The following SYT14 variants were observed in gnomAD, a reference collection of about 807,000 sequenced individuals.
SYT14 encodes the protein synaptotagmin 14.
In SYT14, 32 loss-of-function variants were observed where a neutral mutation model predicts 74.2. That is an observed-to-expected ratio of 0.43 (90% confidence interval 0.33 to 0.58). SYT14 has a LOEUF of 0.58. SYT14 is among the 20% of genes least tolerant of loss of function. The pLI, the probability that SYT14 is intolerant of heterozygous loss-of-function variation, is 0.05. For synonymous variants in SYT14, 298 were observed against 337.7 expected (o/e 0.88, Z 1.29); for missense variants, 791 against 981.8 (o/e 0.81, Z 2.60).
intron 5 of SYT14, among the ~76,000 whole-genome samples, chr1:210,070,563 A>G (rs2081373487): frequency 6.6e-6 from 1 of 152,078 alleles, no homozygotes; most frequent in Non-Finnish European, 1.5e-5. Context: ...TTTCCCTGTT[A>G]TAAAAGCTTG....
At chr1:210,169,407 T>C (rs1458766994) in exon 10 of SYT14, 1 of 151,834 alleles carries the variant, frequency 6.6e-6, no homozygotes, top group East Asian at 1.9e-4. Context: ...TGCACATACA[T>C]CGACTCTCTT....
intron 6 of SYT14, among the ~76,000 whole-genome samples, chr1:210,096,933 A>T (rs777052675): frequency 6.6e-6 from 1 of 152,184 alleles, no homozygotes; most frequent in Non-Finnish European, 1.5e-5. Context: ...CCTATGTCTC[A>T]CAAGCTGCTT....
rs79239599 is a variant in SYT14, at chr1:210,050,528, G to A, written c.1312+29274G>A. The stretch of plus-strand genomic sequence containing the variant: ...CACATTTTTGGTTATCTTTTCAGCA[G>A]GACCCCACTCTAACTGGTAGCAATT... On this transcript the variant is annotated intron_variant, in intron 5 of 9. Transcript: ENST00000637265. 5.9e-5 allele frequency among the ~76,000 whole-genome samples: 9 copies of A among 152,220 alleles called. No homozygotes were observed. The East Asian group carries it at 1.7e-3, about 29-fold the overall frequency.
intron 7 of SYT14, among the ~76,000 whole-genome samples, chr1:210,149,767 T>C (rs1056768487): frequency 1.3e-5 from 2 of 152,162 alleles, no homozygotes; most frequent in African/African-American, 4.8e-5. Flanking sequence ...AACCATCTTT[T>C]CATCTTCCTT....
chr1:210,057,759 C>CA (rs748075274), intron 5 of SYT14, among the ~76,000 whole-genome samples: 27 of 152,126 alleles, frequency 1.8e-4, no homozygotes, highest in Non-Finnish European at 5.9e-5. Context: ...ATTTTGCATT[C>CA]ATCTTGATAT....
At chr1:210,140,213 A>G (rs1054007019) in intron 7 of SYT14, among the ~76,000 whole-genome samples, 1 of 152,172 alleles carries the variant, frequency 6.6e-6, no homozygotes, top group African/African-American at 2.4e-5. Context: ...ATGACTAATG[A>G]TGTTGAGCAT....
intron 5 of SYT14, among the ~76,000 whole-genome samples, chr1:210,093,171 G>A (rs1190011151): frequency 1.3e-5 from 2 of 151,366 alleles, no homozygotes; most frequent in Non-Finnish European, 2.9e-5. Context: ...CTACATTTGT[G>A]CAAATTATCA....
chr1:209,978,696 G>C (rs1023712695), intron 2 of SYT14, among the ~76,000 whole-genome samples: 1 of 152,224 alleles, frequency 6.6e-6, no homozygotes, highest in Admixed American at 6.5e-5. Flanking sequence ...CAGATCTCCA[G>C]CTGCGTGCTG....
chr1:209,949,370 C>T lies in SYT14; in HGVS notation c.-533-3339C>T, dbSNP rs183115898. 5.5e-3 allele frequency among the ~76,000 whole-genome samples: 837 copies of T among 151,892 alleles called. 3 individuals carry two copies. Among genetic ancestry groups the T allele is most frequent in the Non-Finnish European group, 8.4e-3 (568 of 67,924 alleles). On this transcript the variant is annotated intron_variant, in intron 1 of 9. Coordinates refer to ENST00000637265, the Ensembl canonical transcript of SYT14. Reference sequence around the variant, plus strand: ...CGGGCGGATCATGAGGTCAAGAGATCGAGACCATCCTGGGCAACATAGTGA... The same window carrying T: ...CGGGCGGATCATGAGGTCAAGAGATTGAGACCATCCTGGGCAACATAGTGA...
intron 2 of SYT14, among the ~76,000 whole-genome samples, chr1:210,008,509 G>A (rs1433307698): frequency 2.6e-5 from 4 of 152,014 alleles, no homozygotes; most frequent in African/African-American, 7.2e-5. Context: ...GATTAGAGGT[G>A]CCCGCCACCA....
At chr1:210,034,886 T>C (rs1412227794) in intron 5 of SYT14, among the ~76,000 whole-genome samples, 1 of 151,908 alleles carries the variant, frequency 6.6e-6, no homozygotes, top group African/African-American at 2.4e-5. Flanking sequence ...TGATGAACAC[T>C]TAGGTTGATT....
At chr1:210,068,691 A>T (rs1019557136) in intron 5 of SYT14, among the ~76,000 whole-genome samples, 2 of 151,652 alleles carry the variant, frequency 1.3e-5, no homozygotes, top group African/African-American at 4.8e-5. Context: ...TGTTAATAGC[A>T]TTCTTTTGTT....
chr1:210,075,016 G>A (rs1320657284), intron 5 of SYT14, among the ~76,000 whole-genome samples: 4 of 152,224 alleles, frequency 2.6e-5, no homozygotes, highest in Non-Finnish European at 5.9e-5. Flanking sequence ...TGGAGAATGA[G>A]TACAAGGTTT....
At chr1:210,159,576 C>A in intron 9 of SYT14, 99 bp downstream of exon 8, 1 of 959,542 alleles carries the variant, frequency 1.0e-6, no homozygotes, top group Non-Finnish European at 1.6e-6. Context: ...TGTTGGTTTC[C>A]AAAACAATGC....
intron 5 of SYT14, among the ~76,000 whole-genome samples, chr1:210,036,321 T>C (rs979776800): frequency 2.6e-5 from 4 of 152,036 alleles, no homozygotes; most frequent in Non-Finnish European, 5.9e-5. Flanking sequence ...TTGAAGTCTT[T>C]TGGAGGAGTC....
At chr1:209,986,530 G>C (rs547092249) in intron 2 of SYT14, among the ~76,000 whole-genome samples, 1 of 151,826 alleles carries the variant, frequency 6.6e-6, no homozygotes, top group Non-Finnish European at 1.5e-5. Flanking sequence ...GGAGAATGGC[G>C]TGAACCCAGG....
At chr1:210,111,258 A>T (rs1253573233) in intron 7 of SYT14, among the ~76,000 whole-genome samples, 3 of 151,712 alleles carry the variant, frequency 2.0e-5, no homozygotes, top group Non-Finnish European at 2.9e-5. Flanking sequence ...TTACAGTCAA[A>T]GGGGGTTGTT....
chr1:210,087,521 G>A lies in SYT14; in HGVS notation c.1313-6801G>A, dbSNP rs540436157. On this transcript the variant is annotated intron_variant, in intron 5 of 9. Transcript: ENST00000637265. ...CCCAGGCCAGGCTGCCCTCCCATGG[G>A]GAGCTTCCTTATCCTGCCAAGGCTC... 1.1e-4 allele frequency among the ~76,000 whole-genome samples: 16 copies of A among 152,160 alleles called. No individual in the cohort carries two copies. In the South Asian group the frequency reaches 3.1e-3, roughly 30 times the overall value.
intron 5 of SYT14, among the ~76,000 whole-genome samples, chr1:210,028,071 A>G (rs1325404208): frequency 6.6e-6 from 1 of 152,104 alleles, no homozygotes; most frequent in Non-Finnish European, 1.5e-5. Flanking sequence ...TTATTCTGTC[A>G]TCCCAGCCTC....
Sources: gnomAD v4.1 joint callset for allele counts (sites outside exome capture counted in the v4.1 genomes callset) on GRCh38, gnomAD v4.1.1 for gene constraint, MANE v1.5 for transcripts, NCBI Gene and HGNC (gene_info 2026-07-23, HGNC 2026-07-21) for gene names.